Variants in TNIK observed in about 807,000 individuals in gnomAD.
TNIK encodes TRAF2 and NCK-interacting protein kinase.
Under a neutral mutation model 191.3 loss-of-function variants are expected in TNIK, and 49 were observed. The observed-to-expected ratio is 0.26, with a 90% CI of 0.20 to 0.32. The LOEUF (loss-of-function observed/expected upper bound fraction) is 0.32. Among genes scored for constraint, TNIK ranks in the 10% least tolerant of loss-of-function variants. The pLI is 1.00. For missense variants in TNIK, 1,155 were observed against 1,702.3 expected, an observed-to-expected ratio of 0.68 and a Z score of 5.66; for synonymous variants, 594 against 600.9, an observed-to-expected ratio of 0.99 and a Z score of 0.17.
At chr3:171,277,009 G>C (rs1749825493) in intron 2 of TNIK, among the ~76,000 whole-genome samples, 2 of 152,320 alleles carry the variant, frequency 1.3e-5, no homozygotes, top group African/African-American at 2.4e-5. Context: ...CAACACTGTT[G>C]AGAGGTGGAA....
chr3:171,194,767 T>C (rs1577086894), intron 4 of TNIK, 132 bp from the exon 5 acceptor site: 1 of 699,474 alleles, frequency 1.4e-6, no homozygotes, highest in African/African-American at 1.8e-5. Flanking sequence ...CATAAAACAA[T>C]ATATAAAACA....
At chr3:171,225,477 T>C (rs1171201947) in intron 3 of TNIK, 2 of 441,350 alleles carry the variant, frequency 4.5e-6, no homozygotes, top group Non-Finnish European at 9.0e-6. Flanking sequence ...CTAAATACTA[T>C]AAAGCATCCA....
intron 4 of TNIK, among the ~76,000 whole-genome samples, chr3:171,210,269 T>G (rs888858598): frequency 1.3e-5 from 2 of 152,098 alleles, no homozygotes; most frequent in Non-Finnish European, 2.9e-5. Context: ...TTCCACTGAA[T>G]GGGCCCATAC....
chr3:171,395,639 A>T (rs1720124775), intron 1 of TNIK, among the ~76,000 whole-genome samples: 1 of 152,232 alleles, frequency 6.6e-6, no homozygotes. Flanking sequence ...CTGTATATTG[A>T]AAAGATATCT....
chr3:171,392,925 C>A (rs1372849826), intron 1 of TNIK, among the ~76,000 whole-genome samples: 1 of 151,944 alleles, frequency 6.6e-6, no homozygotes, highest in Non-Finnish European at 1.5e-5. Context: ...TAGTAATAAC[C>A]ATTTATCTGA....
chr3:171,222,670 T>C (rs894794530), intron 3 of TNIK, among the ~76,000 whole-genome samples: 4 of 152,186 alleles, frequency 2.6e-5, no homozygotes, highest in African/African-American at 9.7e-5. Flanking sequence ...CCTTTAATAA[T>C]GGGCAAAACA....
In TNIK at chr3:171,063,516, T is replaced by TA. The variant is rs1014909302; in HGVS notation, c.*364dup. 6.0e-6 allele frequency: 1 copy of TA among 167,620 alleles called. No individual in the cohort carries two copies. The highest frequency in any genetic ancestry group is 2.4e-5 in the African/African-American group (1 of 41,936). The allele number at this position is 167,620 out of a possible 1,614,324, so 10.4% of individuals were successfully genotyped here. A position where few individuals can be genotyped will look rare whatever the true frequency, so the allele number is the denominator to read the frequency against. ...GCATTCTTTCCCCATTCTTGCAGAG[T>TA]AAAGGGGTAAAGAAAAAAGGTAAAA... On this transcript the variant is annotated 3_prime_UTR_variant, in exon 33 of 33. Coordinates refer to ENST00000436636, the MANE Select transcript of TNIK (RefSeq NM_015028.4).
At chr3:171,352,484 G>A (rs912338731) in intron 2 of TNIK, among the ~76,000 whole-genome samples, 3 of 152,130 alleles carry the variant, frequency 2.0e-5, no homozygotes, top group African/African-American at 4.8e-5. Flanking sequence ...TTCCAAAATG[G>A]CGAATGTTTG....
At chr3:171,094,057 A>G in intron 22 of TNIK, 89 bp from the exon 23 acceptor site, 1 of 1,459,644 alleles carries the variant, frequency 6.9e-7, no homozygotes, top group Non-Finnish European at 9.2e-7. Context: ...TTATGGTAAA[A>G]TATACATATT....
At chr3:171,359,350 A>C (rs1714637068) in intron 2 of TNIK, among the ~76,000 whole-genome samples, 1 of 152,336 alleles carries the variant, frequency 6.6e-6, no homozygotes, top group East Asian at 1.9e-4. Context: ...TCACATATGG[A>C]GTTCCTAACT....
At chr3:171,112,986 GTGTGTGTGCATA>G (rs1726083001) in intron 18 of TNIK, among the ~76,000 whole-genome samples, 1 of 152,144 alleles carries the variant, frequency 6.6e-6, no homozygotes, top group South Asian at 2.1e-4. Flanking sequence ...GTGTGTGCAT[GTGTGTGTGCATA>G]TGTATGAGTG....
At chr3:171,255,764 A>AC (rs1320725324) in intron 2 of TNIK, among the ~76,000 whole-genome samples, 1 of 152,028 alleles carries the variant, frequency 6.6e-6, no homozygotes, top group African/African-American at 2.4e-5. Flanking sequence ...GCCTTTAGAG[A>AC]CCCCAGGTGT....
intron 2 of TNIK, among the ~76,000 whole-genome samples, chr3:171,314,845 C>T (rs541135958): frequency 6.6e-6 from 1 of 152,272 alleles, no homozygotes; most frequent in East Asian, 1.9e-4. Context: ...GGTCAGGCCG[C>T]ACCCCATACT....
At chr3:171,348,989 A>T (rs980308088) in intron 2 of TNIK, among the ~76,000 whole-genome samples, 2 of 151,634 alleles carry the variant, frequency 1.3e-5, no homozygotes, top group Non-Finnish European at 2.9e-5. Context: ...AATGAAAAAT[A>T]TTAAGCAAAA....
chr3:171,231,318 T>TG (rs1743608777), intron 2 of TNIK, among the ~76,000 whole-genome samples: 1 of 125,738 alleles, frequency 8.0e-6, no homozygotes, highest in African/African-American at 4.2e-5. Flanking sequence ...TGTTGTTTTG[T>TG]TTTTTTTTTT....
intron 28 of TNIK, among the ~76,000 whole-genome samples, chr3:171,076,299 T>C (rs1288910553): frequency 6.6e-6 from 1 of 152,194 alleles, no homozygotes; most frequent in Non-Finnish European, 1.5e-5. Context: ...TGCTTCAAAA[T>C]AGAGTCCCCT....
intron 2 of TNIK, among the ~76,000 whole-genome samples, chr3:171,336,872 C>T (rs529067312): frequency 6.6e-6 from 1 of 152,274 alleles, no homozygotes; most frequent in African/African-American, 2.4e-5. Context: ...AAGACCTCAA[C>T]TTTCCTTTTT....
At chr3:171,447,145 C>T (rs1012897433) in intron 1 of TNIK, among the ~76,000 whole-genome samples, 20 of 152,044 alleles carry the variant, frequency 1.3e-4, no homozygotes, top group African/African-American at 2.2e-4. Context: ...GAGCAGAGAT[C>T]GCCCCACTGC....
chr3:171,094,076 A>G (rs939445405), intron 22 of TNIK, 108 bp from the exon 23 acceptor site: 3 of 1,340,930 alleles, frequency 2.2e-6, no homozygotes, highest in Non-Finnish European at 3.0e-6. Context: ...TTAATAACAT[A>G]AAATTTACCA....
Sources: allele counts gnomAD v4.1 joint callset (sites outside exome capture counted in the v4.1 genomes callset), GRCh38; gene constraint gnomAD v4.1.1; transcripts MANE v1.5; gene names NCBI Gene and HGNC (gene_info 2026-07-23, HGNC 2026-07-21).